GBF1: variants seen among roughly 807,000 people sequenced by gnomAD.
GBF1 encodes golgi brefeldin A resistant guanine nucleotide exchange factor 1.
Under a neutral mutation model 210.5 loss-of-function variants are expected in GBF1, and 114 were observed. The observed-to-expected ratio is 0.54, with a 90% CI of 0.47 to 0.63. GBF1 has a LOEUF of 0.63. GBF1 is among the 30% of genes least tolerant of loss of function. The pLI, the probability that GBF1 is intolerant of heterozygous loss-of-function variation, is 0.00. For synonymous variants in GBF1, 850 were observed against 889.2 expected, an observed-to-expected ratio of 0.96 and a Z score of 0.78; for missense variants, 1,851 against 2,357.7, an observed-to-expected ratio of 0.79 and a Z score of 4.45.
intron 3 of GBF1, among the ~76,000 whole-genome samples, chr10:102,317,885 G>GTTAT (rs564837040): frequency 2.0e-5 from 3 of 147,878 alleles, no homozygotes; most frequent in African/African-American, 4.9e-5. Flanking sequence ...CCTGTTGTTG[G>GTTAT]TTATTTATTT....
intron 4 of GBF1, 21 bp downstream of exon 4, chr10:102,344,203 G>C: frequency 6.2e-7 from 1 of 1,612,734 alleles, no homozygotes; most frequent in African/African-American, 1.3e-5. Flanking sequence ...AGGCTTTGTT[G>C]CATGACCACA....
In GBF1 at chr10:102,358,557, A is replaced by C. The variant is rs1358128633; in HGVS notation, c.839A>C (p.Glu280Ala). Residue 280 changes from glutamate to alanine, a missense_variant, in exon 10 of 40, where the codon GAA becomes GCA. Glu to Ala is a moderately radical substitution (Grantham distance 107, BLOSUM62 -1). Coordinates refer to ENST00000369983, the MANE Select transcript of GBF1 (RefSeq NM_001377137.1). ...ACTCCCATCTCCTCTGCAAGTTCAG[A>C]AGCTGCCTCAGCAGTGGTCAGTCCC... ...VPTPISSASS[E>A]AASAVVSPST... 1 of 1,614,104 alleles carries C rather than the reference A, an allele frequency of 6.2e-7. No individual in the cohort carries two copies.
At chr10:102,251,357 TC>T (rs1463938915) in intron 1 of GBF1, among the ~76,000 whole-genome samples, 5 of 152,266 alleles carry the variant, frequency 3.3e-5, no homozygotes, top group Non-Finnish European at 7.4e-5. Context: ...GCTGTACCAC[TC>T]TTGAAGAGTC....
chr10:102,274,699 ATTTTTTTTTTTTTTTTT>A (rs1174743189), intron 3 of GBF1, among the ~76,000 whole-genome samples: 1 of 71,700 alleles, frequency 1.4e-5, no homozygotes, highest in Non-Finnish European at 2.4e-5. Flanking sequence ...CAAAACAAAG[ATTTTTTTTTTTTTTTTT>A]TTTTTTTTTT....
intron 3 of GBF1, among the ~76,000 whole-genome samples, chr10:102,277,834 A>G (rs1037360149): frequency 7.2e-5 from 11 of 151,906 alleles, no homozygotes. Context: ...AACTTTTATT[A>G]TTTGTTTTTT....
chr10:102,325,803 C>T (rs1214844864), intron 3 of GBF1, among the ~76,000 whole-genome samples: 2 of 152,002 alleles, frequency 1.3e-5, no homozygotes, highest in Non-Finnish European at 2.9e-5. Flanking sequence ...GCACATGCCA[C>T]CACACCTAAC....
chr10:102,380,468 C>A (rs1589841000), intron 37 of GBF1, 38 bp from the exon 38 acceptor site: 1 of 1,601,284 alleles, frequency 6.2e-7, no homozygotes, highest in East Asian at 2.2e-5. Flanking sequence ...CCCCCCATGC[C>A]CTCTTTCCTA....
intron 7 of GBF1, 127 bp downstream of exon 7, chr10:102,352,645 G>T: frequency 8.5e-6 from 6 of 705,310 alleles, no homozygotes; most frequent in Admixed American, 2.0e-5. Context: ...ATTATGGATG[G>T]GGGGTAGTTC....
chr10:102,277,139 C>A (rs1348316604), intron 3 of GBF1, among the ~76,000 whole-genome samples: 2 of 151,994 alleles, frequency 1.3e-5, no homozygotes, highest in African/African-American at 4.8e-5. Flanking sequence ...TTATCCTGGG[C>A]AACATAGGTA....
intron 3 of GBF1, among the ~76,000 whole-genome samples, chr10:102,279,836 C>T (rs542573711): frequency 6.6e-6 from 1 of 152,172 alleles, no homozygotes; most frequent in Non-Finnish European, 1.5e-5. Context: ...GGAACCTTGC[C>T]CTCAAAAAAA....
At chr10:102,319,579 C>T (rs2056191342) in intron 3 of GBF1, among the ~76,000 whole-genome samples, 1 of 152,086 alleles carries the variant, frequency 6.6e-6, no homozygotes, top group Admixed American at 6.6e-5. Context: ...TTCTCAGAGC[C>T]TCCCATCCTC....
intron 8 of GBF1, among the ~76,000 whole-genome samples, chr10:102,357,520 GC>G (rs1295814570): frequency 6.6e-6 from 1 of 151,898 alleles, no homozygotes; most frequent in Non-Finnish European, 1.5e-5. Flanking sequence ...TATGGCTTAG[GC>G]CCAGCTCACA....
chr10:102,252,825 C>T (rs145952074), intron 1 of GBF1, among the ~76,000 whole-genome samples: 1,553 of 150,748 alleles, frequency 0.01, 27 homozygotes, highest in African/African-American at 0.037. Context: ...CCAGCCTGGG[C>T]GACAGAATGA....
chr10:102,327,473 G>A (rs1565114519), intron 3 of GBF1, among the ~76,000 whole-genome samples: 1 of 152,188 alleles, frequency 6.6e-6, no homozygotes, highest in East Asian at 1.9e-4. Context: ...AGCAGTAATA[G>A]TAAATAACTG....
At chr10:102,375,253 C>A in intron 29 of GBF1, 106 bp from the exon 30 acceptor site, 1 of 696,224 alleles carries the variant, frequency 1.4e-6, no homozygotes, top group East Asian at 2.5e-5. Context: ...CCTAGCCAAA[C>A]TGTCTTCACT....
chr10:102,248,854 C>T (rs1590438171), intron 1 of GBF1, among the ~76,000 whole-genome samples: 2 of 152,072 alleles, frequency 1.3e-5, no homozygotes, highest in South Asian at 2.1e-4. Flanking sequence ...AGGCTGGTTT[C>T]GAACTCCTAG....
chr10:102,361,811 C>T lies in GBF1; in HGVS notation c.1585C>T (p.Leu529Phe). The T allele has an allele frequency of 6.2e-7, 1 of 1,613,468 alleles. No homozygotes were observed. Reference protein sequence around the residue: ...KEMALEAIVQLWRIPSFVTEL... With the variant: ...KEMALEAIVQFWRIPSFVTEL... ...GATGGCACTGGAGGCCATTGTGCAG[C>T]TCTGGCGCATCCCCAGCTTTGTCAC... is the stretch of plus-strand genomic sequence containing the variant. Residue 529 changes from leucine (L) to phenylalanine (F), a missense_variant, in exon 14 of 40, where the codon CTC becomes TTC. Physicochemically the swap from Leu to Phe is conservative, Grantham distance 22. This residue lies in a region of GBF1 where 804 missense variants were observed against 958.6 expected (regional missense o/e 0.84). Coordinates refer to ENST00000369983, the MANE Select transcript of GBF1 (RefSeq NM_001377137.1).
chr10:102,343,319 G>A (rs999771053), intron 3 of GBF1, among the ~76,000 whole-genome samples: 2 of 152,136 alleles, frequency 1.3e-5, no homozygotes, highest in Admixed American at 6.6e-5. Flanking sequence ...AAAGACAGGA[G>A]CCCACCTTGG....
At chr10:102,346,386 C>T (rs1384873620) in intron 4 of GBF1, among the ~76,000 whole-genome samples, 1 of 152,158 alleles carries the variant, frequency 6.6e-6, no homozygotes, top group Admixed American at 6.5e-5. Flanking sequence ...AGGTTGCTTC[C>T]CCAAAAGGTT....
Sources: gnomAD v4.1 joint callset for allele counts (sites outside exome capture counted in the v4.1 genomes callset) on GRCh38, gnomAD v4.1.1 for gene constraint, gnomAD v4.1.1 regional missense constraint, MANE v1.5 for transcripts, NCBI Gene and HGNC (gene_info 2026-07-23, HGNC 2026-07-21) for gene names.